Variants in ERP44 observed in about 807,000 individuals in gnomAD.
ERP44 encodes endoplasmic reticulum protein 44, also known as endoplasmic reticulum resident protein 44.
Under a neutral mutation model 53.4 loss-of-function variants are expected in ERP44, and 25 were observed. The observed-to-expected ratio is 0.47, with a 90% CI of 0.34 to 0.65. The LOEUF (loss-of-function observed/expected upper bound fraction) is 0.65, where lower values mean the gene tolerates loss of function less well. Among genes scored for constraint, ERP44 ranks in the 30% least tolerant of loss-of-function variants. The probability of loss-of-function intolerance (pLI) is 0.01; values close to 1 mark genes in which losing one functional copy is unlikely to be tolerated. For synonymous variants in ERP44, 145 were observed against 161.2 expected, an observed-to-expected ratio of 0.90 and a Z score of 0.76; for missense variants, 338 against 493.2, an observed-to-expected ratio of 0.69 and a Z score of 2.98.
chr9:100,063,734 T>C (rs942221575), intron 1 of ERP44, among the ~76,000 whole-genome samples: 2 of 152,222 alleles, frequency 1.3e-5, no homozygotes, highest in Non-Finnish European at 2.9e-5. Context: ...CATATACAAA[T>C]ATACAGATAT....
At chr9:100,050,736 A>G (rs897419967) in intron 4 of ERP44, among the ~76,000 whole-genome samples, 4 of 152,206 alleles carry the variant, frequency 2.6e-5, no homozygotes, top group African/African-American at 9.7e-5. Context: ...GTGGATTGAA[A>G]AGCATCTGAA....
intron 4 of ERP44, among the ~76,000 whole-genome samples, chr9:100,033,443 A>G (rs1343470877): frequency 6.6e-6 from 1 of 152,254 alleles, no homozygotes; most frequent in Non-Finnish European, 1.5e-5. Context: ...ACTCACAGGT[A>G]TTTGAGGATA....
intron 1 of ERP44, among the ~76,000 whole-genome samples, chr9:100,075,404 C>G (rs557027547): frequency 7.2e-5 from 11 of 152,234 alleles, no homozygotes; most frequent in Non-Finnish European, 1.6e-4. Flanking sequence ...CAGCAATATA[C>G]CTTTACTGTC....
At chr9:100,032,344 T>TA (rs1825801083) in intron 4 of ERP44, among the ~76,000 whole-genome samples, 1 of 152,170 alleles carries the variant, frequency 6.6e-6, no homozygotes, top group African/African-American at 2.4e-5. Flanking sequence ...GTGTGTAGTG[T>TA]AAAAAAAGCA....
intron 4 of ERP44, among the ~76,000 whole-genome samples, chr9:100,039,883 T>C (rs901924905): frequency 1.3e-5 from 2 of 152,166 alleles, no homozygotes; most frequent in African/African-American, 4.8e-5. Context: ...TAGCAGCTAC[T>C]GTGTGCAACT....
intron 1 of ERP44, among the ~76,000 whole-genome samples, chr9:100,081,469 T>C (rs1253807950): frequency 6.6e-6 from 1 of 151,970 alleles, no homozygotes; most frequent in Non-Finnish European, 1.5e-5. Context: ...GAAAGAGAAA[T>C]GAATCTGTAA....
At position 100,060,143 on chromosome 9, in the gene ERP44, A is replaced by T. The variant is rs755108040; in HGVS notation, c.87T>A (p.Thr29=). ...LVTWVFTPVT[T]EITSLDTENI... ...TCTCTGTATCAAGACTTGTTATTTC[A>T]GTTGTTACAGGAGTAAAAACCCAAG... The change falls in exon 2 of 12, where the codon ACT becomes ACA. Residue 29 remains threonine (T), a synonymous_variant. Transcript: ENST00000262455. The T allele has an allele frequency of 6.7e-7, 1 of 1,501,012 alleles. No homozygotes were observed. Among genetic ancestry groups the T allele is most frequent in the Non-Finnish European group, 8.9e-7 (1 of 1,127,082 alleles). 93.0% of individuals were successfully genotyped at this position (1,501,012 alleles called of 1,614,324 possible). A position where few individuals can be genotyped will look rare whatever the true frequency, so the allele number is the denominator to read the frequency against.
chr9:100,003,820 A>G (rs1048348709), intron 10 of ERP44, among the ~76,000 whole-genome samples: 2 of 152,008 alleles, frequency 1.3e-5, no homozygotes, highest in African/African-American at 2.4e-5. Context: ...GCCTGGGTCA[A>G]GAGTCCACAG....
At chr9:99,986,385 A>C (rs559298944) in intron 10 of ERP44, among the ~76,000 whole-genome samples, 65 of 152,292 alleles carry the variant, frequency 4.3e-4, no homozygotes, top group African/African-American at 1.4e-3. Flanking sequence ...ATCTCTGCTC[A>C]TACGAATTGT....
intron 4 of ERP44, among the ~76,000 whole-genome samples, chr9:100,047,967 C>A (rs1383095938): frequency 2.0e-5 from 3 of 152,026 alleles, no homozygotes; most frequent in Non-Finnish European, 4.4e-5. Context: ...TACAAATGAC[C>A]AATAAGCATG....
Position 100,060,148 on chromosome 9 carries a change from T to C in ERP44, c.82A>G (p.Thr28Ala). ...LLVTWVFTPVTTEITSLDTEN... is the reference protein window; with the variant it reads ...LLVTWVFTPVATEITSLDTEN... ...GTATCAAGACTTGTTATTTCAGTTG[T>C]TACAGGAGTAAAAACCCAAGTTACC... is the stretch of plus-strand genomic sequence containing the variant. The change falls in exon 2 of 12, where the codon ACA becomes GCA. Residue 28 changes from threonine to alanine, a missense_variant. This residue lies in a region of ERP44 where 224 missense variants were observed against 301.4 expected (regional missense o/e 0.74). Coordinates refer to ENST00000262455, the MANE Select transcript of ERP44 (RefSeq NM_015051.3). 2 of 1,498,656 alleles carry C rather than the reference T, an allele frequency of 1.3e-6. No individual in the cohort carries two copies. The highest frequency in any genetic ancestry group is 1.4e-5 in the South Asian group (1 of 70,090). 92.8% of individuals were successfully genotyped at this position (1,498,656 alleles called of 1,614,324 possible).
At chr9:100,067,341 C>G (rs1482418787) in intron 1 of ERP44, among the ~76,000 whole-genome samples, 3 of 151,468 alleles carry the variant, frequency 2.0e-5, no homozygotes, top group Admixed American at 1.3e-4. Flanking sequence ...CAGGCGCGCG[C>G]CGCCGCGCCT....
chr9:100,045,160 C>T (rs1825952698), intron 4 of ERP44, among the ~76,000 whole-genome samples: 1 of 152,144 alleles, frequency 6.6e-6, no homozygotes, highest in Admixed American at 6.5e-5. Flanking sequence ...AGTGCTCTCT[C>T]CTACCTCAGA....
At chr9:100,074,140 T>C (rs1826332846) in intron 1 of ERP44, among the ~76,000 whole-genome samples, 1 of 152,204 alleles carries the variant, frequency 6.6e-6, no homozygotes, top group Non-Finnish European at 1.5e-5. Flanking sequence ...CTAAGACTTT[T>C]GGGGATTAAT....
At chr9:99,996,759 A>G (rs1830313269) in intron 10 of ERP44, among the ~76,000 whole-genome samples, 1 of 152,110 alleles carries the variant, frequency 6.6e-6, no homozygotes, top group African/African-American at 2.4e-5. Flanking sequence ...TAGCTCCCAC[A>G]TATCAGTAAG....
intron 1 of ERP44, among the ~76,000 whole-genome samples, chr9:100,093,583 C>A (rs1320473352): frequency 6.6e-6 from 1 of 151,920 alleles, no homozygotes; most frequent in Admixed American, 6.6e-5. Context: ...GTTGAGGCTA[C>A]AGTGAGCCAA....
At chr9:100,049,342 G>A (rs1294510707) in intron 4 of ERP44, among the ~76,000 whole-genome samples, 1 of 152,198 alleles carries the variant, frequency 6.6e-6, no homozygotes, top group Non-Finnish European at 1.5e-5. Flanking sequence ...AGACTGCAGT[G>A]AGCCAAGATT....
At chr9:99,987,597 A>T (rs1282605304) in intron 10 of ERP44, among the ~76,000 whole-genome samples, 4 of 152,236 alleles carry the variant, frequency 2.6e-5, no homozygotes, top group African/African-American at 9.6e-5. Flanking sequence ...CTTAAGTTTT[A>T]TGAGTTTTAA....
chr9:100,017,773 G>T (rs751953635), intron 7 of ERP44, among the ~76,000 whole-genome samples: 9 of 152,172 alleles, frequency 5.9e-5, no homozygotes, highest in Non-Finnish European at 1.0e-4. Flanking sequence ...TCACCTGGTA[G>T]GGCCTAAGCA....
Sources: allele counts gnomAD v4.1 joint callset (sites outside exome capture counted in the v4.1 genomes callset), GRCh38; gene constraint gnomAD v4.1.1; regional missense constraint gnomAD v4.1.1; transcripts MANE v1.5; gene names NCBI Gene and HGNC (gene_info 2026-07-23, HGNC 2026-07-21).